The following MDGA2 variants were observed in gnomAD, a reference collection of about 807,000 sequenced individuals.
The protein encoded by MDGA2 is MAM domain-containing glycosylphosphatidylinositol anchor protein 2.
MDGA2 carries 40 observed loss-of-function variants against 117.8 expected under a neutral mutation model. That is an observed-to-expected ratio of 0.34 (90% confidence interval 0.26 to 0.44). The LOEUF (loss-of-function observed/expected upper bound fraction) is 0.44, where lower values mean the gene tolerates loss of function less well. Ranked by LOEUF, MDGA2 falls within the 20% of genes least tolerant of loss-of-function variation. The pLI is 1.00. For synonymous variants in MDGA2, 452 were observed against 439.0 expected (o/e 1.03, Z -0.37); for missense variants, 1,123 against 1,250.6 (o/e 0.90, Z 1.54).
chr14:47,132,320 C>T (rs143136218), intron 4 of MDGA2, among the ~76,000 whole-genome samples: 7 of 151,862 alleles, frequency 4.6e-5, no homozygotes, highest in East Asian at 3.9e-4. Context: ...AAGTTAATTA[C>T]GTAAATCTAA....
At chr14:47,491,773 G>T (rs997687471) in intron 1 of MDGA2, among the ~76,000 whole-genome samples, 2 of 149,702 alleles carry the variant, frequency 1.3e-5, no homozygotes, top group African/African-American at 4.9e-5. Flanking sequence ...TTACGTGTAC[G>T]CCACGGTAGT....
chr14:47,131,856 T>C lies in MDGA2; in HGVS notation c.793-10A>G. On this transcript the variant is annotated splice_polypyrimidine_tract_variant and intron_variant, in intron 4 of 16. Coordinates refer to ENST00000399232, the MANE Select transcript of MDGA2 (RefSeq NM_001113498.3). ...AGATCTTTGTTTCACCCTGAAAATG[T>C]ACACAAAAAATAAAAGTCATTAGAA... The C allele has an allele frequency of 6.4e-7, 1 of 1,550,810 alleles. No individual in the cohort carries two copies. Among genetic ancestry groups the C allele is most frequent in the Non-Finnish European group, 8.8e-7 (1 of 1,136,994 alleles).
In MDGA2 at chr14:47,335,745, T is replaced by TATACACATAC. The variant is rs1555374516; in HGVS notation, c.281-34196_281-34195insGTATGTGTAT. Among the ~76,000 whole-genome samples the TATACACATAC allele has an allele frequency of 1.6e-4, 15 of 95,580 alleles. 1 individual carries two copies. The highest frequency in any genetic ancestry group is 1.4e-3 in the East Asian group (2 of 1,382). 62.7% of individuals were successfully genotyped at this position (95,580 alleles called of 152,430 possible). A position where few individuals can be genotyped will look rare whatever the true frequency, so the allele number is the denominator to read the frequency against. On this transcript the variant is annotated intron_variant, in intron 1 of 16. Coordinates refer to ENST00000399232, the MANE Select transcript of MDGA2 (RefSeq NM_001113498.3). Reference sequence around the variant, plus strand: ...TGCACACATATATTTTATATATATATATACATACATACATACAGGATCACT... The same window carrying TATACACATAC: ...TGCACACATATATTTTATATATATATATACACATACATACATACATACATACAGGATCACT...
At chr14:46,864,491 G>A (rs1434274947) in intron 14 of MDGA2, among the ~76,000 whole-genome samples, 1 of 135,336 alleles carries the variant, frequency 7.4e-6, no homozygotes, top group Non-Finnish European at 1.5e-5. Flanking sequence ...ATTGAGAGTT[G>A]TAAACACACA....
At chr14:47,160,953 C>T (rs1192986200) in intron 3 of MDGA2, among the ~76,000 whole-genome samples, 1 of 152,162 alleles carries the variant, frequency 6.6e-6, no homozygotes, top group Non-Finnish European at 1.5e-5. Flanking sequence ...TGAAGCATCT[C>T]TTAATTTTGT....
At chr14:47,435,032 A>T (rs1347728715) in intron 1 of MDGA2, among the ~76,000 whole-genome samples, 1 of 152,084 alleles carries the variant, frequency 6.6e-6, no homozygotes, top group Non-Finnish European at 1.5e-5. Flanking sequence ...GCTACTCAGG[A>T]GGCTGAGGCA....
intron 16 of MDGA2, among the ~76,000 whole-genome samples, chr14:46,843,505 G>GTATA (rs1880699887): frequency 6.6e-6 from 1 of 152,066 alleles, no homozygotes; most frequent in Non-Finnish European, 1.5e-5. Flanking sequence ...GTTCTTTTGA[G>GTATA]TATAGCTACT....
chr14:47,205,325 T>C (rs1885645546), intron 3 of MDGA2, among the ~76,000 whole-genome samples: 1 of 151,962 alleles, frequency 6.6e-6, no homozygotes, highest in Non-Finnish European at 1.5e-5. Context: ...TCCTTGTGCT[T>C]ATGATCTTAT....
At chr14:47,432,112 G>C (rs2138528978) in intron 1 of MDGA2, among the ~76,000 whole-genome samples, 1 of 151,560 alleles carries the variant, frequency 6.6e-6, no homozygotes, top group Non-Finnish European at 1.5e-5. Context: ...CTAACCTATG[G>C]GTGCTGTGCA....
At chr14:47,549,815 C>T (rs1292849297) in intron 1 of MDGA2, among the ~76,000 whole-genome samples, 1 of 152,132 alleles carries the variant, frequency 6.6e-6, no homozygotes, top group Admixed American at 6.5e-5. Flanking sequence ...CCCATGAGCA[C>T]ACAGCAAGAA....
At position 47,301,454 on chromosome 14, in the gene MDGA2, G is replaced by A. The variant is rs1309603818; in HGVS notation, c.377C>T (p.Thr126Ile). Residue 126 changes from threonine to isoleucine, a missense_variant, in exon 2 of 17, where the codon ACC (threonine) becomes ATC (isoleucine). Coordinates refer to ENST00000399232, the MANE Select transcript of MDGA2 (RefSeq NM_001113498.3). ...TGTGACTAGACAAGTCAACTCAAGGGTTTCTCCTTCCCGGATAGTGTAGAC... is the reference window on the plus strand; with the variant it reads ...TGTGACTAGACAAGTCAACTCAAGGATTTCTCCTTCCCGGATAGTGTAGAC... ...ERVYTIREGE[T>I]LELTCLVTGH... 1 of 1,551,800 alleles carries A rather than the reference G, an allele frequency of 6.4e-7. No homozygotes were observed. The highest frequency in any genetic ancestry group is 2.0e-5 in the Admixed American group (1 of 51,006).
chr14:46,903,431 A>G (rs557685364), intron 10 of MDGA2, among the ~76,000 whole-genome samples: 1 of 152,144 alleles, frequency 6.6e-6, no homozygotes, highest in Non-Finnish European at 1.5e-5. Flanking sequence ...ATATACCTTG[A>G]CTTTTTATTA....
chr14:47,154,824 C>A (rs1051347339), intron 3 of MDGA2, among the ~76,000 whole-genome samples: 1 of 152,100 alleles, frequency 6.6e-6, no homozygotes, highest in Non-Finnish European at 1.5e-5. Context: ...GGCGGCTGGG[C>A]GGAAAGGGGC....
chr14:47,621,360 A>T (rs995185088), intron 1 of MDGA2, among the ~76,000 whole-genome samples: 19 of 152,206 alleles, frequency 1.2e-4, no homozygotes, highest in African/African-American at 4.6e-4. Flanking sequence ...TCTTAAAAAA[A>T]AATTTTTTTT....
At chr14:47,504,186 T>G (rs1200376231) in intron 1 of MDGA2, among the ~76,000 whole-genome samples, 1 of 152,082 alleles carries the variant, frequency 6.6e-6, no homozygotes, top group Non-Finnish European at 1.5e-5. Flanking sequence ...CTTTGGTGTT[T>G]TAATTGCTCA....
chr14:47,000,377 TTATATATATATATTTATATATAAATA>T (rs1887471606), intron 8 of MDGA2, among the ~76,000 whole-genome samples: 2 of 100,026 alleles, frequency 2.0e-5, no homozygotes, highest in Non-Finnish European at 4.3e-5. Flanking sequence ...ATATATATAT[TTATATATATATATTTATATATAAATA>T]TATATTTATA....
intron 3 of MDGA2, among the ~76,000 whole-genome samples, chr14:47,190,368 T>G (rs1333200305): frequency 2.0e-5 from 3 of 152,306 alleles, no homozygotes; most frequent in Non-Finnish European, 4.4e-5. Context: ...TCCTTTGGGC[T>G]GAAATATTAG....
chr14:47,589,538 T>A (rs1896396452), intron 1 of MDGA2, among the ~76,000 whole-genome samples: 2 of 152,022 alleles, frequency 1.3e-5, no homozygotes, highest in Non-Finnish European at 1.5e-5. Context: ...CTATGCTACA[T>A]ATCATATCAC....
At chr14:47,450,074 T>C (rs1349064344) in intron 1 of MDGA2, among the ~76,000 whole-genome samples, 3 of 152,140 alleles carry the variant, frequency 2.0e-5, no homozygotes, top group South Asian at 2.1e-4. Flanking sequence ...TGTTTCATTA[T>C]AATTAACTAA....
Sources: allele counts gnomAD v4.1 joint callset (sites outside exome capture counted in the v4.1 genomes callset), GRCh38; gene constraint gnomAD v4.1.1; transcripts MANE v1.5; gene names NCBI Gene and HGNC (gene_info 2026-07-23, HGNC 2026-07-21).